Variants in CEACAM19 observed in about 807,000 individuals in gnomAD.
The protein encoded by CEACAM19 is cell adhesion molecule CEACAM19.
Under a neutral mutation model 37.6 loss-of-function variants are expected in CEACAM19, and 37 were observed. That is an observed-to-expected ratio of 0.98 (90% CI 0.76 to 1.29). The LOEUF is 1.29. Ranked by LOEUF, CEACAM19 falls within the 50% of genes most tolerant of loss-of-function variation. CEACAM19 has a pLI of 0.00. For synonymous variants in CEACAM19, 140 were observed against 149.8 expected (o/e 0.93, Z 0.48); for missense variants, 340 against 375.6 (o/e 0.91, Z 0.78).
At chr19:44,681,202 GT>G (rs1974051732) in intron 5 of CEACAM19, 24 bp from the exon 6 acceptor site, 1 of 1,577,956 alleles carries the variant, frequency 6.3e-7, no homozygotes, top group African/African-American at 1.3e-5. Context: ...GTGTCAGCTG[GT>G]ACCTCCCCTG....
Position 44,676,511 on chromosome 19 carries a change from A to G in CEACAM19, c.575+90A>G, listed in dbSNP as rs903203623. ...TTCCACAAGTCACATCATCCGGCTC[A>G]TACACAATCTCATCAAATCTTGGAA... On this transcript the variant is annotated intron_variant, in intron 3 of 7. Transcript: ENST00000358777. 2.3e-6 allele frequency: 3 copies of G among 1,294,100 alleles called. No homozygotes were observed. In the African/African-American group the frequency reaches 4.4e-5, roughly 19 times the overall value. The allele number at this position is 1,294,100 out of a possible 1,614,324, so 80.2% of individuals were successfully genotyped here.
chr19:44,675,064 GCTTA>G (rs771382423), intron 2 of CEACAM19, among the ~76,000 whole-genome samples: 1 of 151,126 alleles, frequency 6.6e-6, no homozygotes, highest in Non-Finnish European at 1.5e-5. Context: ...ATGGCATAGA[GCTTA>G]CTTCTTTGTT....
chr19:44,678,735 C>A lies in CEACAM19; in HGVS notation c.576-118C>A, dbSNP rs1973998328. ...TACTATTTTTTTACTCAAAACCGCA[C>A]ACACACCTTCCACCCCCTCCCCCCT... On this transcript the variant is annotated intron_variant, in intron 3 of 7. Coordinates refer to ENST00000358777, the MANE Select transcript of CEACAM19 (RefSeq NM_001127893.3). 5 of 1,427,162 alleles carry A rather than the reference C, an allele frequency of 3.5e-6. No individual in the cohort carries two copies. In the Admixed American group the frequency reaches 6.8e-5, roughly 19 times the overall value. The allele number at this position is 1,427,162 out of a possible 1,614,324, so 88.4% of individuals were successfully genotyped here.
chr19:44,668,411 A>ATT (rs1973784255), upstream of CEACAM19, among the ~76,000 whole-genome samples: 3 of 22,288 alleles, frequency 1.3e-4, no homozygotes, highest in Non-Finnish European at 2.6e-4. Flanking sequence ...ATGTTTATAT[A>ATT]TTATATATAT....
At chr19:44,675,687 G>A (rs1162028902) in intron 2 of CEACAM19, among the ~76,000 whole-genome samples, 1 of 152,094 alleles carries the variant, frequency 6.6e-6, no homozygotes, top group African/African-American at 2.4e-5. Context: ...TTGGGGGACT[G>A]AGGTGGGAGG....
rs140104524 is a variant in CEACAM19, at chr19:44,678,898, G to A, written c.621G>A (p.Ser207=). ...RGQGSLSILC[S]AVSPVPSVTP... ...AGGGATCTCTGTCCATCTTGTGCTCGGCTGTATCCCCAGTGCCTTCAGTGA... is the reference window on the plus strand; with the variant it reads ...AGGGATCTCTGTCCATCTTGTGCTCAGCTGTATCCCCAGTGCCTTCAGTGA... The change falls in exon 4 of 8, where the codon TCG becomes TCA. Residue 207 remains serine (S), a synonymous_variant. Coordinates refer to ENST00000358777, the MANE Select transcript of CEACAM19 (RefSeq NM_001127893.3). 558 of 1,613,922 alleles carry A rather than the reference G, an allele frequency of 3.5e-4. 3 individuals carry two copies. In the African/African-American group the frequency reaches 6.0e-3, roughly 17 times the overall value.
chr19:44,680,843 G>A (rs1974044167), intron 5 of CEACAM19, among the ~76,000 whole-genome samples: 1 of 151,984 alleles, frequency 6.6e-6, no homozygotes, highest in African/African-American at 2.4e-5. Context: ...CCAGACCTCT[G>A]CACTCACCCT....
In CEACAM19 at chr19:44,683,526, G is replaced by A; in HGVS notation, c.*36G>A. 7.1e-7 allele frequency: 1 copy of A among 1,411,620 alleles called. No individual in the cohort carries two copies. Among genetic ancestry groups the A allele is most frequent in the African/African-American group, 1.4e-5 (1 of 69,740 alleles). 87.4% of individuals were successfully genotyped at this position (1,411,620 alleles called of 1,614,324 possible). ...GCCAGGCCAGCCAGGGAGAAGACAA[G>A]GCCCCAGCCCTCCTCTGGGAGCCTC... On this transcript the variant is annotated 3_prime_UTR_variant, in exon 8 of 8. Transcript: ENST00000358777.
upstream of CEACAM19, among the ~76,000 whole-genome samples, chr19:44,667,993 ATATTTATATAGATTTATAT>A (rs1356544878): frequency 0.034 from 12 of 350 alleles, no homozygotes; most frequent in African/African-American, 0.13. Flanking sequence ...AATATAGTAT[ATATTTATATAGATTTATAT>A]TATTTATATA....
chr19:44,671,434 C>T (rs1394749232), upstream of CEACAM19: 1 of 386,072 alleles, frequency 2.6e-6, no homozygotes, highest in Non-Finnish European at 4.6e-6. Flanking sequence ...TCAGAGCCTT[C>T]AAGTGAGTCA....
chr19:44,672,502 C>T (rs1973872814), intron 1 of CEACAM19, 94 bp from the exon 2 acceptor site: 23 of 1,310,178 alleles, frequency 1.8e-5, no homozygotes, highest in Non-Finnish European at 2.3e-5. Context: ...ACTCAGAGTC[C>T]TTGCTCCCCG....
rs1974003889 is a variant in CEACAM19, at chr19:44,678,930, G to A, written c.653G>A (p.Ser218Asn). The change falls in exon 4 of 8, where the codon AGC becomes AAC. Residue 218 changes from serine (S) to asparagine (N), a missense_variant. Physicochemically the swap from Ser to Asn is conservative, Grantham distance 46. Coordinates refer to ENST00000358777, the MANE Select transcript of CEACAM19 (RefSeq NM_001127893.3). ...TCCCCAGTGCCTTCAGTGACGCCCA[G>A]CACATGGTTGGTGCTTGTAAATACT... ...AVSPVPSVTP[S>N]TWMATTEKPE... 6.2e-7 allele frequency: 1 copy of A among 1,613,826 alleles called. No individual in the cohort carries two copies. The highest frequency in any genetic ancestry group is 1.3e-5 in the African/African-American group (1 of 74,900).
chr19:44,674,839 G>T (rs568585786), intron 2 of CEACAM19, among the ~76,000 whole-genome samples: 1 of 152,300 alleles, frequency 6.6e-6, no homozygotes, highest in East Asian at 1.9e-4. Context: ...CTCTAGTCCG[G>T]TTGGAGATAA....
chr19:44,679,903 C>G (rs1974024192), intron 4 of CEACAM19, among the ~76,000 whole-genome samples: 1 of 152,090 alleles, frequency 6.6e-6, no homozygotes, highest in Non-Finnish European at 1.5e-5. Flanking sequence ...GCACTCCAGC[C>G]TGGGCAACAG....
At chr19:44,666,378 G>A (rs1973714692) in intron 1 of CEACAM19, among the ~76,000 whole-genome samples, 1 of 152,082 alleles carries the variant, frequency 6.6e-6, no homozygotes, top group Admixed American at 6.6e-5. Context: ...ACTGCAGGAA[G>A]GATTGAAGGG....
upstream of CEACAM19, among the ~76,000 whole-genome samples, chr19:44,667,804 A>T (rs1186517505): frequency 5.6e-5 from 4 of 71,784 alleles, no homozygotes; most frequent in Non-Finnish European, 7.0e-5. Flanking sequence ...AAATTATATA[A>T]TTTATATATT....
Position 44,682,623 on chromosome 19 carries a change from A to G in CEACAM19, c.846+3A>G, listed in dbSNP as rs371129381. ...AGCCAGAGAACCACCAGTACCAGGT[A>G]TGGAGCTGGGAGCTGGGAGGGGTGG... On this transcript the variant is annotated splice_donor_region_variant and intron_variant, in intron 7 of 7. Coordinates refer to ENST00000358777, the MANE Select transcript of CEACAM19 (RefSeq NM_001127893.3). The G allele has an allele frequency of 9.4e-6, 15 of 1,600,802 alleles. No homozygotes were observed. The African/African-American group carries it at 1.5e-4, about 16-fold the overall frequency.
In CEACAM19 at chr19:44,672,001, G is replaced by T; in HGVS notation, c.55+15G>T. On this transcript the variant is annotated intron_variant, in intron 1 of 7. Coordinates refer to ENST00000358777, the MANE Select transcript of CEACAM19 (RefSeq NM_001127893.3). ...CCTGCTCTCAGGTAAGGAGGAAATA[G>T]ACCCTAAAGGCCAAGGGGAGAAATG... 1 of 1,595,490 alleles carries T rather than the reference G, an allele frequency of 6.3e-7. No homozygotes were observed.
At chr19:44,682,193 C>T (rs986727593) in intron 6 of CEACAM19, among the ~76,000 whole-genome samples, 3 of 152,178 alleles carry the variant, frequency 2.0e-5, no homozygotes, top group South Asian at 2.1e-4. Flanking sequence ...GAGGCTGCAG[C>T]GAGTGGTGAT....
Sources: gnomAD v4.1 joint callset for allele counts (sites outside exome capture counted in the v4.1 genomes callset) on GRCh38, gnomAD v4.1.1 for gene constraint, MANE v1.5 for transcripts, NCBI Gene and HGNC (gene_info 2026-07-23, HGNC 2026-07-21) for gene names.